ZNF804A: variants seen among roughly 807,000 people sequenced by gnomAD.
ZNF804A encodes zinc finger protein 804A.
Under a neutral mutation model 16.5 loss-of-function variants are expected in ZNF804A, and 2 were observed. The observed-to-expected ratio is 0.12, with a 90% confidence interval of 0.05 to 0.38. The LOEUF is 0.38. Ranked by LOEUF, ZNF804A falls within the 10% of genes least tolerant of loss-of-function variation. The pLI, the probability that ZNF804A is intolerant of heterozygous loss-of-function variation, is 0.99. For synonymous variants in ZNF804A, 534 were observed against 489.6 expected (o/e 1.09, Z -1.20); for missense variants, 1,473 against 1,390.7 (o/e 1.06, Z -0.94).
rs547679334 is a variant in ZNF804A at position 184,710,390 on chromosome 2, A to G, written c.111+111320A>G. Among the ~76,000 whole-genome samples the G allele has an allele frequency of 6.6e-5, 10 of 151,670 alleles. No individual in the cohort carries two copies. In the South Asian group the frequency reaches 1.9e-3, roughly 28 times the overall value. ...TGAATTGTTTGCTTCTTTTATAATT[A>G]TAAAGAATTTATACCATATATATAT... On this transcript the variant is annotated intron_variant, in intron 1 of 3. Coordinates refer to ENST00000302277, the MANE Select transcript of ZNF804A (RefSeq NM_194250.2).
At chr2:184,669,402 C>T (rs1426652771) in intron 1 of ZNF804A, among the ~76,000 whole-genome samples, 5 of 151,938 alleles carry the variant, frequency 3.3e-5, no homozygotes, top group Non-Finnish European at 7.4e-5. Flanking sequence ...TCTTATAAGC[C>T]GTAGTTCCTT....
At chr2:184,910,572 G>A (rs1399216486) in intron 2 of ZNF804A, among the ~76,000 whole-genome samples, 2 of 151,942 alleles carry the variant, frequency 1.3e-5, no homozygotes, top group Non-Finnish European at 2.9e-5. Flanking sequence ...CAGTAGCTGA[G>A]CTAATTTACA....
chr2:184,789,345 C>A (rs973045842), intron 1 of ZNF804A, among the ~76,000 whole-genome samples: 8 of 152,112 alleles, frequency 5.3e-5, no homozygotes, highest in Admixed American at 3.9e-4. Context: ...ACACCTAATT[C>A]GTAGAATGAG....
intron 1 of ZNF804A, among the ~76,000 whole-genome samples, chr2:184,841,822 A>C (rs1450980770): frequency 6.6e-6 from 1 of 151,954 alleles, no homozygotes. Flanking sequence ...ACTCTTCTTG[A>C]GAGCAATGTC....
At chr2:184,836,920 A>G (rs1283667873) in intron 1 of ZNF804A, among the ~76,000 whole-genome samples, 1 of 151,758 alleles carries the variant, frequency 6.6e-6, no homozygotes, top group Non-Finnish European at 1.5e-5. Flanking sequence ...GATAATATCA[A>G]ACTGCTTTTG....
At chr2:184,888,285 A>C (rs1487644352) in intron 2 of ZNF804A, among the ~76,000 whole-genome samples, 1 of 152,168 alleles carries the variant, frequency 6.6e-6, no homozygotes, top group Non-Finnish European at 1.5e-5. Flanking sequence ...ATTTCAAGTG[A>C]AGTTATCCAT....
chr2:184,776,428 A>T (rs1186171169), intron 1 of ZNF804A, among the ~76,000 whole-genome samples: 2 of 151,444 alleles, frequency 1.3e-5, no homozygotes, highest in Non-Finnish European at 3.0e-5. Context: ...TTATTGAGTG[A>T]TTAGATGACA....
chr2:184,832,268 G>A (rs1052074481), intron 1 of ZNF804A, among the ~76,000 whole-genome samples: 1 of 151,958 alleles, frequency 6.6e-6, no homozygotes, highest in African/African-American at 2.4e-5. Flanking sequence ...GGCACAGCAG[G>A]AATTTGCTAT....
chr2:184,938,741 AGCC>A lies in ZNF804A; in HGVS notation c.3348_3350del (p.Ala1119del), dbSNP rs779315590. The A allele has an allele frequency of 6.2e-6, 10 of 1,608,132 alleles. No homozygotes were observed. In the South Asian group the frequency reaches 1.1e-4, roughly 18 times the overall value. ...CTGCAGCTGCTGCAGCTGCAGCTGC[AGCC>A]GCAGCTGCAGGAACCTTTAAAGTGC... On this transcript the variant is annotated inframe_deletion, in exon 4 of 4. Transcript: ENST00000302277.
chr2:184,926,647 C>T (rs902032429), intron 2 of ZNF804A, among the ~76,000 whole-genome samples: 16 of 152,008 alleles, frequency 1.1e-4, no homozygotes, highest in Non-Finnish European at 1.8e-4. Context: ...CTTAGATTGT[C>T]CCTTTTGAGG....
rs1685826595 is a variant in ZNF804A at position 184,938,198 on chromosome 2, T to G, written c.2802T>G (p.Leu934=). 6.2e-7 allele frequency: 1 copy of G among 1,614,068 alleles called. No individual in the cohort carries two copies. The highest frequency in any genetic ancestry group is 1.7e-4 in the Middle Eastern group (1 of 6,060). ...AAGAAGCAATTGACAATACCCTGCT[T>G]GAACACAAAGAAAGAAGTGAGAATA... ...PTKEAIDNTL[L]EHKERSENIN... Residue 934 remains leucine, a synonymous_variant, in exon 4 of 4, where the codon CTT becomes CTG. Transcript: ENST00000302277.
chr2:184,931,726 G>A (rs183281916), intron 2 of ZNF804A, among the ~76,000 whole-genome samples: 316 of 152,192 alleles, frequency 2.1e-3, no homozygotes, highest in African/African-American at 7.0e-3. Context: ...GCAAATTTCC[G>A]CAGCCAGCTT....
At chr2:184,686,223 A>G (rs1305302698) in intron 1 of ZNF804A, among the ~76,000 whole-genome samples, 3 of 152,168 alleles carry the variant, frequency 2.0e-5, no homozygotes, top group African/African-American at 7.2e-5. Flanking sequence ...CTGCAGCTAC[A>G]CTAGGGAGCC....
At chr2:184,699,489 G>A (rs1692885540) in intron 1 of ZNF804A, among the ~76,000 whole-genome samples, 1 of 152,070 alleles carries the variant, frequency 6.6e-6, no homozygotes, top group African/African-American at 2.4e-5. Flanking sequence ...CTGCCAAAAT[G>A]CATACCTTCA....
chr2:184,813,993 CTTTTTTTTTTTTTT>C lies in ZNF804A; in HGVS notation c.112-52361_112-52348del, dbSNP rs1163432699. On this transcript the variant is annotated intron_variant, in intron 1 of 3. Coordinates refer to ENST00000302277, the MANE Select transcript of ZNF804A (RefSeq NM_194250.2). ...TTTAGGGCATGTTTGAGAAAGGCAG[CTTTTTTTTTTTTTT>C]TTTTTTTTTTTTTTGGCTTGTCTAC... Among the ~76,000 whole-genome samples, 13 of 49,196 alleles carry C rather than the reference CTTTTTTTTTTTTTT, an allele frequency of 2.6e-4. No individual in the cohort carries two copies. The East Asian group carries it at 2.9e-3, about 11-fold the overall frequency. The allele number at this position is 49,196 out of a possible 152,430, so 32.3% of individuals were successfully genotyped here. A position where few individuals can be genotyped will look rare whatever the true frequency, so the allele number is the denominator to read the frequency against.
At chr2:184,911,589 T>C (rs542660228) in intron 2 of ZNF804A, among the ~76,000 whole-genome samples, 1 of 152,174 alleles carries the variant, frequency 6.6e-6, no homozygotes, top group South Asian at 2.1e-4. Context: ...CCCATATTGA[T>C]TTTCTAATTC....
chr2:184,750,320 C>T (rs1027382382), intron 1 of ZNF804A, among the ~76,000 whole-genome samples: 1 of 151,322 alleles, frequency 6.6e-6, no homozygotes, highest in Non-Finnish European at 1.5e-5. Flanking sequence ...AAATTATTCA[C>T]ATCTTAATGT....
chr2:184,730,666 G>A (rs76624474), intron 1 of ZNF804A, among the ~76,000 whole-genome samples: 79 of 152,182 alleles, frequency 5.2e-4, no homozygotes, highest in Non-Finnish European at 7.9e-4. Context: ...TTGGTGCTAT[G>A]TATTTATGTT....
chr2:184,671,956 A>C (rs1559122665), intron 1 of ZNF804A, among the ~76,000 whole-genome samples: 1 of 152,248 alleles, frequency 6.6e-6, no homozygotes, highest in Non-Finnish European at 1.5e-5. Flanking sequence ...GTTGTTTATA[A>C]GATGAACTTA....
Sources: allele counts gnomAD v4.1 joint callset (sites outside exome capture counted in the v4.1 genomes callset), GRCh38; gene constraint gnomAD v4.1.1; transcripts MANE v1.5; gene names NCBI Gene and HGNC (gene_info 2026-07-23, HGNC 2026-07-21).